The following PLB1 variants were observed in gnomAD, a reference collection of about 807,000 sequenced individuals.
PLB1 encodes the protein phospholipase B1.
In PLB1, 242 loss-of-function variants were observed where a neutral mutation model predicts 227.4. The observed-to-expected ratio is 1.06, with a 90% CI of 0.96 to 1.18. The LOEUF is 1.18. Among genes scored for constraint, PLB1 ranks in the 50% most tolerant of loss-of-function variants. The pLI is 0.00. For synonymous variants in PLB1, 757 were observed against 682.2 expected (o/e 1.11, Z -1.71); for missense variants, 1,858 against 1,816.3 (o/e 1.02, Z -0.42).
intron 51 of PLB1, among the ~76,000 whole-genome samples, chr2:28,627,611 T>C (rs1476114781): frequency 1.3e-5 from 2 of 152,306 alleles, no homozygotes; most frequent in East Asian, 3.9e-4. Context: ...TCTTGTTCCT[T>C]TCCCCTTCTT....
Position 28,604,048 on chromosome 2 carries a change from G to A in PLB1, c.2856+1G>A, listed in dbSNP as rs139396774. 1,676 of 1,612,122 alleles carry A rather than the reference G, an allele frequency of 1.0e-3. 4 individuals are homozygous for A. The highest frequency in any genetic ancestry group is 1.3e-3 in the Non-Finnish European group (1,511 of 1,178,212). ...GGAGGCCTTCAGCCGAGCCTACCGG[G>A]TAAGACCAAGAAGGGCACCATGCTG... On this transcript the variant is annotated splice_donor_variant, in intron 40 of 57. Coordinates refer to ENST00000327757, the MANE Select transcript of PLB1 (RefSeq NM_153021.5). LOFTEE classifies it high-confidence loss of function.
At chr2:28,585,639 G>A in intron 25 of PLB1, 122 bp from the exon 26 acceptor site, 1 of 831,834 alleles carries the variant, frequency 1.2e-6, no homozygotes. Flanking sequence ...CTCCTCATTA[G>A]CACAGATCTC....
intron 21 of PLB1, among the ~76,000 whole-genome samples, chr2:28,574,907 G>A (rs1468735511): frequency 6.6e-6 from 1 of 151,918 alleles, no homozygotes; most frequent in African/African-American, 2.4e-5. Flanking sequence ...TTTTTTATCC[G>A]CTTGTTGGTT....
At chr2:28,629,073 A>G (rs1054202332) in intron 52 of PLB1, 21 bp from the exon 53 acceptor site, 1 of 1,607,902 alleles carries the variant, frequency 6.2e-7, no homozygotes, top group Non-Finnish European at 8.5e-7. Flanking sequence ...CCCTAACGAA[A>G]CCACCCTCCA....
At chr2:28,614,223 G>T in intron 44 of PLB1, 127 bp downstream of exon 44, 1 of 962,886 alleles carries the variant, frequency 1.0e-6, no homozygotes, top group South Asian at 1.4e-5. Flanking sequence ...CTGGGGATTG[G>T]AATGTACAGA....
At chr2:28,524,768 T>A (rs965786645) in intron 4 of PLB1, among the ~76,000 whole-genome samples, 1 of 151,826 alleles carries the variant, frequency 6.6e-6, no homozygotes, top group Non-Finnish European at 1.5e-5. Context: ...ACAAACATGC[T>A]GCAGAGGAAG....
At chr2:28,505,963 G>A (rs992684717) in intron 1 of PLB1, among the ~76,000 whole-genome samples, 4 of 152,110 alleles carry the variant, frequency 2.6e-5, no homozygotes, top group Non-Finnish European at 5.9e-5. Flanking sequence ...TGTCTGCTTT[G>A]GACACTGAGC....
At chr2:28,544,769 A>G (rs777212506) in intron 14 of PLB1, among the ~76,000 whole-genome samples, 6 of 152,116 alleles carry the variant, frequency 3.9e-5, no homozygotes, top group Non-Finnish European at 8.8e-5. Context: ...AGGCAAAGGG[A>G]CCTTTGTGAG....
At chr2:28,639,585 G>T (rs1689753262) in intron 56 of PLB1, among the ~76,000 whole-genome samples, 1 of 152,214 alleles carries the variant, frequency 6.6e-6, no homozygotes, top group Non-Finnish European at 1.5e-5. Flanking sequence ...GGAGCAGGTT[G>T]TGTACTGACG....
At chr2:28,587,668 C>T (rs1447726315) in intron 26 of PLB1, among the ~76,000 whole-genome samples, 3 of 152,116 alleles carry the variant, frequency 2.0e-5, no homozygotes, top group Non-Finnish European at 4.4e-5. Flanking sequence ...TCACAGACTC[C>T]ACTGTCACTG....
At chr2:28,509,528 C>G (rs996176009) in intron 1 of PLB1, among the ~76,000 whole-genome samples, 6 of 152,234 alleles carry the variant, frequency 3.9e-5, no homozygotes. Context: ...CCTGATGTCT[C>G]CATGGTGCTT....
At chr2:28,576,592 TGGTGGCG>T (rs1678988285) in intron 21 of PLB1, among the ~76,000 whole-genome samples, 1 of 152,092 alleles carries the variant, frequency 6.6e-6, no homozygotes, top group Admixed American at 6.6e-5. Flanking sequence ...TAGCCGGGTG[TGGTGGCG>T]GGTGCCTGTA....
At chr2:28,541,547 C>T (rs982492800) in intron 12 of PLB1, among the ~76,000 whole-genome samples, 160 bp from the exon 13 acceptor site, 2 of 152,216 alleles carry the variant, frequency 1.3e-5, no homozygotes, top group Non-Finnish European at 2.9e-5. Flanking sequence ...TATCAAAGAG[C>T]CCTGAAGGGT....
At chr2:28,561,720 T>C (rs1676079321) in intron 17 of PLB1, among the ~76,000 whole-genome samples, 1 of 151,984 alleles carries the variant, frequency 6.6e-6, no homozygotes, top group Admixed American at 6.6e-5. Context: ...GGAGGCTCTC[T>C]CTACAAAAAA....
At chr2:28,587,904 G>A (rs1237840554) in intron 26 of PLB1, among the ~76,000 whole-genome samples, 1 of 152,190 alleles carries the variant, frequency 6.6e-6, no homozygotes, top group Non-Finnish European at 1.5e-5. Flanking sequence ...CAGATGCTGA[G>A]CAGCTGAAAA....
intron 33 of PLB1, 119 bp from the exon 34 acceptor site, chr2:28,597,886 C>T: frequency 1.1e-6 from 1 of 943,334 alleles, no homozygotes; most frequent in Non-Finnish European, 1.7e-6. Context: ...GGGTCTGGCC[C>T]ATCTCAAAGG....
intron 29 of PLB1, 63 bp downstream of exon 29, chr2:28,590,139 C>A: frequency 1.4e-6 from 2 of 1,405,550 alleles, no homozygotes; most frequent in Non-Finnish European, 2.0e-6. Context: ...TCATTTCATC[C>A]TAGGCCCTCA....
At chr2:28,598,182 GC>G (rs1390363803) in intron 34 of PLB1, 134 bp downstream of exon 34, 1 of 754,044 alleles carries the variant, frequency 1.3e-6, no homozygotes, top group East Asian at 2.7e-5. Flanking sequence ...GAGACAGGAG[GC>G]TATGAAAAAG....
intron 56 of PLB1, among the ~76,000 whole-genome samples, chr2:28,634,792 T>C (rs551439565): frequency 1.3e-5 from 2 of 152,136 alleles, no homozygotes; most frequent in East Asian, 3.9e-4. Flanking sequence ...ATGCCTGTAG[T>C]CCCAGCTGCT....
Sources: gnomAD v4.1 joint callset for allele counts (sites outside exome capture counted in the v4.1 genomes callset) on GRCh38, gnomAD v4.1.1 for gene constraint, MANE v1.5 for transcripts, NCBI Gene and HGNC (gene_info 2026-07-23, HGNC 2026-07-21) for gene names.